GPR15: variants seen among roughly 807,000 people sequenced by gnomAD.
GPR15 encodes G protein-coupled receptor 15.
GPR15 carries 16 observed loss-of-function variants against 19.3 expected under a neutral mutation model. The observed-to-expected ratio is 0.83, with a 90% CI of 0.56 to 1.26. The LOEUF (loss-of-function observed/expected upper bound fraction) is 1.26. GPR15 is among the 50% of genes most tolerant of loss of function. The pLI is 0.00. For synonymous variants in GPR15, 170 were observed against 171.2 expected, an observed-to-expected ratio of 0.99 and a Z score of 0.05; for missense variants, 458 against 429.4, an observed-to-expected ratio of 1.07 and a Z score of -0.59.
Position 98,532,985 on chromosome 3 carries a change from T to C in GPR15, c.952T>C (p.Cys318Arg). The C allele has an allele frequency of 6.2e-7, 1 of 1,614,074 alleles. No individual in the cohort carries two copies. The highest frequency in any genetic ancestry group is 8.5e-7 in the Non-Finnish European group (1 of 1,180,026). Reference protein sequence around the residue: ...YIRRAIVHCLCPCLKNYDFGS... With the variant: ...YIRRAIVHCLRPCLKNYDFGS... The stretch of plus-strand genomic sequence containing the variant: ...CCGCCGGGCCATTGTCCACTGCTTG[T>C]GCCCTTGCCTGAAAAACTATGACTT... The change falls in exon 1 of 1, where the codon TGC becomes CGC. Residue 318 changes from cysteine (C) to arginine (R), a missense_variant. Coordinates refer to ENST00000284311, the MANE Select transcript of GPR15 (RefSeq NM_005290.4).
rs771155232 is a variant in GPR15, at chr3:98,534,407, G to A, written c.*1291G>A. ...AACATCTTTTGATTCAAGGGAAAGCGGGTTATGTTTTTACCTCCACTGTTG... is the reference window on the plus strand; with the variant it reads ...AACATCTTTTGATTCAAGGGAAAGCAGGTTATGTTTTTACCTCCACTGTTG... On this transcript the variant is annotated 3_prime_UTR_variant, in exon 1 of 1. Coordinates refer to ENST00000284311, the MANE Select transcript of GPR15 (RefSeq NM_005290.4). Among the ~76,000 whole-genome samples the A allele has an allele frequency of 3.3e-5, 5 of 152,134 alleles. No individual in the cohort carries two copies. The highest frequency in any genetic ancestry group is 7.2e-5 in the African/African-American group (3 of 41,430).
Position 98,532,984 on chromosome 3 carries a change from G to T in GPR15, c.951G>T (p.Leu317Phe). 1 of 1,614,012 alleles carries T rather than the reference G, an allele frequency of 6.2e-7. No homozygotes were observed. Among genetic ancestry groups the T allele is most frequent in the Non-Finnish European group, 8.5e-7 (1 of 1,180,018 alleles). Residue 317 changes from leucine (L) to phenylalanine (F), a missense_variant, in exon 1 of 1, where the codon TTG (leucine) becomes TTT (phenylalanine). Leu to Phe is a conservative substitution (Grantham distance 22, BLOSUM62 0). Coordinates refer to ENST00000284311, the MANE Select transcript of GPR15 (RefSeq NM_005290.4). Reference protein sequence around the residue: ...SYIRRAIVHCLCPCLKNYDFG... With the variant: ...SYIRRAIVHCFCPCLKNYDFG... ...TCCGCCGGGCCATTGTCCACTGCTT[G>T]TGCCCTTGCCTGAAAAACTATGACT...
rs769493221 is a variant in GPR15, at chr3:98,532,229, A to T, written c.196A>T (p.Arg66Ter). ...GALHFKPGSR[R>*]LIDIFIINLA... is the part of the protein sequence containing the mutation. ...GTTGCATTTCAAACCCGGCAGCCGA[A>T]GACTGATCGACATCTTTATCATCAA... is the stretch of plus-strand genomic sequence containing the variant. The change falls in exon 1 of 1, where the codon AGA becomes TGA. Residue 66 changes from arginine to a stop codon, truncating the protein, a stop_gained. Transcript: ENST00000284311. LOFTEE classifies it high-confidence loss of function. 1 of 1,614,162 alleles carries T rather than the reference A, an allele frequency of 6.2e-7. No individual in the cohort carries two copies. The highest frequency in any genetic ancestry group is 1.7e-5 in the Admixed American group (1 of 60,012).
At position 98,533,580 on chromosome 3, in the gene GPR15, C is replaced by A. The variant is rs1706673212; in HGVS notation, c.*464C>A. Among the ~76,000 whole-genome samples the A allele has an allele frequency of 6.6e-6, 1 of 152,152 alleles. No homozygotes were observed. The highest frequency in any genetic ancestry group is 2.4e-5 in the African/African-American group (1 of 41,436). Reference sequence around the variant, plus strand: ...ATGCAGGTAACAAAAATATAATATACCTGCACTGTGCAATTAATTGTTTCT... The same window carrying A: ...ATGCAGGTAACAAAAATATAATATAACTGCACTGTGCAATTAATTGTTTCT... On this transcript the variant is annotated 3_prime_UTR_variant, in exon 1 of 1. Transcript: ENST00000284311.
Position 98,533,655 on chromosome 3 carries a change from A to G in GPR15, c.*539A>G, listed in dbSNP as rs1706674245. 6.6e-6 allele frequency among the ~76,000 whole-genome samples: 1 copy of G among 152,198 alleles called. No homozygotes were observed. Among genetic ancestry groups the G allele is most frequent in the South Asian group, 2.1e-4 (1 of 4,836 alleles). On this transcript the variant is annotated 3_prime_UTR_variant, in exon 1 of 1. Transcript: ENST00000284311. ...TCAATCTTTAAAGCTTTGTATCGTGATTCTTCATCATCTTCCAACATTGTG... is the reference window on the plus strand; with the variant it reads ...TCAATCTTTAAAGCTTTGTATCGTGGTTCTTCATCATCTTCCAACATTGTG...
Position 98,534,066 on chromosome 3 carries a change from G to C in GPR15, c.*950G>C, listed in dbSNP as rs564083591. Among the ~76,000 whole-genome samples, 44 of 152,010 alleles carry C rather than the reference G, an allele frequency of 2.9e-4. 1 individual carries two copies. The highest frequency in any genetic ancestry group is 6.2e-4 in the Non-Finnish European group (42 of 67,976). On this transcript the variant is annotated 3_prime_UTR_variant, in exon 1 of 1. Coordinates refer to ENST00000284311, the MANE Select transcript of GPR15 (RefSeq NM_005290.4). Reference sequence around the variant, plus strand: ...GTACCCCGATGCAGATTATCATTTTGTATTTTAATTAAAATGTTAGTGCTA... The same window carrying C: ...GTACCCCGATGCAGATTATCATTTTCTATTTTAATTAAAATGTTAGTGCTA...
In GPR15 at chr3:98,533,517, A is replaced by G. The variant is rs1241133809; in HGVS notation, c.*401A>G. The stretch of plus-strand genomic sequence containing the variant: ...CTCTAAATTGGACTACATTTAAATG[A>G]TTCTGCCTACTTTCATCTGATGAGA... On this transcript the variant is annotated 3_prime_UTR_variant, in exon 1 of 1. Transcript: ENST00000284311. Among the ~76,000 whole-genome samples, 1 of 152,214 alleles carries G rather than the reference A, an allele frequency of 6.6e-6. No individual in the cohort carries two copies. Among genetic ancestry groups the G allele is most frequent in the East Asian group, 1.9e-4 (1 of 5,206 alleles).
chr3:98,533,159 T>C lies in GPR15; in HGVS notation c.*43T>C, dbSNP rs747195711. On this transcript the variant is annotated 3_prime_UTR_variant, in exon 1 of 1. Transcript: ENST00000284311. ...CAAGCTCTGTTGGTGGGTTTAGGAGTTAATTTTTGTCAGCAACAAAGAAGG... is the reference window on the plus strand; with the variant it reads ...CAAGCTCTGTTGGTGGGTTTAGGAGCTAATTTTTGTCAGCAACAAAGAAGG... 6 of 1,521,740 alleles carry C rather than the reference T, an allele frequency of 3.9e-6. No individual in the cohort carries two copies. Among genetic ancestry groups the C allele is most frequent in the Middle Eastern group, 3.6e-4 (2 of 5,526 alleles). The allele number at this position is 1,521,740 out of a possible 1,614,324, so 94.3% of individuals were successfully genotyped here.
In GPR15 at chr3:98,533,559, A is replaced by C. The variant is rs556829757; in HGVS notation, c.*443A>C. On this transcript the variant is annotated 3_prime_UTR_variant, in exon 1 of 1. Transcript: ENST00000284311. Reference sequence around the variant, plus strand: ...CTGATGAGAAATGCAGTAACAATGCAGGTAACAAAAATATAATATACCTGC... The same window carrying C: ...CTGATGAGAAATGCAGTAACAATGCCGGTAACAAAAATATAATATACCTGC... Among the ~76,000 whole-genome samples the C allele has an allele frequency of 6.6e-6, 1 of 152,228 alleles. No homozygotes were observed. The highest frequency in any genetic ancestry group is 1.5e-5 in the Non-Finnish European group (1 of 68,038).
Position 98,533,036 on chromosome 3 carries a change from A to C in GPR15, c.1003A>C (p.Ser335Arg). The C allele has an allele frequency of 6.2e-7, 1 of 1,614,032 alleles. No homozygotes were observed. Among genetic ancestry groups the C allele is most frequent in the Non-Finnish European group, 8.5e-7 (1 of 1,180,014 alleles). The part of the protein sequence containing the change: ...DFGSSTETSD[S>R]HLTKALSTFI... ...TGGGAGTAGCACTGAGACATCAGAT[A>C]GTCACCTCACTAAGGCTCTCTCCAC... The change falls in exon 1 of 1, where the codon AGT (serine) becomes CGT (arginine). Residue 335 changes from serine to arginine, a missense_variant. Transcript: ENST00000284311.
Position 98,532,668 on chromosome 3 carries a change from T to C in GPR15, c.635T>C (p.Val212Ala). ...TTTTTTGTCCCTTTGTTGAGCATTG[T>C]GACCTGCTACTGTTGCATTGCAAGG... is the stretch of plus-strand genomic sequence containing the variant. The part of the protein sequence containing the change: ...FTFFVPLLSI[V>A]TCYCCIARKL... The change falls in exon 1 of 1, where the codon GTG (valine) becomes GCG (alanine). Residue 212 changes from valine to alanine, a missense_variant. Transcript: ENST00000284311. The C allele has an allele frequency of 6.2e-7, 1 of 1,614,220 alleles. No homozygotes were observed. Among genetic ancestry groups the C allele is most frequent in the Non-Finnish European group, 8.5e-7 (1 of 1,180,034 alleles).
In GPR15 at chr3:98,532,006, C is replaced by T. The variant is rs755638413; in HGVS notation, c.-28C>T. On this transcript the variant is annotated 5_prime_UTR_variant, in exon 1 of 1. Coordinates refer to ENST00000284311, the MANE Select transcript of GPR15 (RefSeq NM_005290.4). ...CAAAAACATCATATGTAAGTAAACTCACCAGATTTGGCATCTGCTCTTTGG... is the reference window on the plus strand; with the variant it reads ...CAAAAACATCATATGTAAGTAAACTTACCAGATTTGGCATCTGCTCTTTGG... The T allele has an allele frequency of 1.9e-6, 3 of 1,570,872 alleles. No homozygotes were observed. The African/African-American group carries it at 4.1e-5, about 21-fold the overall frequency.
In GPR15 at chr3:98,532,841, C is replaced by A. The variant is rs184502691; in HGVS notation, c.808C>A (p.Arg270=). ...GTTCCTGGCCATTGTCTCTGGGTTG[C>A]GGCAAGAACACTATTTACCCTCAGC... is the stretch of plus-strand genomic sequence containing the variant. The part of the protein sequence containing the change: ...FKFLAIVSGL[R]QEHYLPSAIL... The change falls in exon 1 of 1, where the codon CGG becomes AGG. Residue 270 remains arginine (R), a synonymous_variant. Coordinates refer to ENST00000284311, the MANE Select transcript of GPR15 (RefSeq NM_005290.4). The A allele has an allele frequency of 3.7e-6, 6 of 1,613,898 alleles. No homozygotes were observed. Among genetic ancestry groups the A allele is most frequent in the Non-Finnish European group, 5.1e-6 (6 of 1,179,872 alleles).
Position 98,532,542 on chromosome 3 carries a change from TGTCCAGGG to T in GPR15, c.510_517del (p.Ser171AlafsTer5), listed in dbSNP as rs1263991694. On this transcript the variant is annotated frameshift_variant, in exon 1 of 1. Coordinates refer to ENST00000284311, the MANE Select transcript of GPR15 (RefSeq NM_005290.4). LOFTEE classifies it high-confidence loss of function. The stretch of plus-strand genomic sequence containing the variant: ...TGCCTGCTGGGGTTGCCTACTCTTC[TGTCCAGGG>T]AGCTCACGCTGATTGATGATAAGCC... The T allele has an allele frequency of 6.2e-7, 1 of 1,614,216 alleles. No individual in the cohort carries two copies. The highest frequency in any genetic ancestry group is 8.5e-7 in the Non-Finnish European group (1 of 1,180,040).
At position 98,533,857 on chromosome 3, in the gene GPR15, A is replaced by G. The variant is rs535975145; in HGVS notation, c.*741A>G. Among the ~76,000 whole-genome samples, 228 of 152,352 alleles carry G rather than the reference A, an allele frequency of 1.5e-3. No homozygotes were observed. The highest frequency in any genetic ancestry group is 5.3e-3 in the African/African-American group (220 of 41,598). ...CTTTATAAGATATTGATAAAAATGT[A>G]TCTCATTCATAATGGTGTAGCAACT... On this transcript the variant is annotated 3_prime_UTR_variant, in exon 1 of 1. Transcript: ENST00000284311.
In GPR15 at chr3:98,532,485, A is replaced by G; in HGVS notation, c.452A>G (p.Tyr151Cys). 2 of 1,614,120 alleles carry G rather than the reference A, an allele frequency of 1.2e-6. No individual in the cohort carries two copies. The highest frequency in any genetic ancestry group is 1.7e-6 in the Non-Finnish European group (2 of 1,179,990). Residue 151 changes from tyrosine (Y) to cysteine (C), a missense_variant, in exon 1 of 1, where the codon TAT (tyrosine) becomes TGT (cysteine). Physicochemically the swap from Tyr to Cys is radical, Grantham distance 194. Coordinates refer to ENST00000284311, the MANE Select transcript of GPR15 (RefSeq NM_005290.4). ...AAATTCAGAAGGACAGACTGTGCAT[A>G]TGTAGTCTGTGCCAGCATCTGGTTT... is the stretch of plus-strand genomic sequence containing the variant. The part of the protein sequence containing the change: ...SRKFRRTDCA[Y>C]VVCASIWFIS...
At position 98,532,850 on chromosome 3, in the gene GPR15, C is replaced by T; in HGVS notation, c.817C>T (p.His273Tyr). 2 of 1,613,956 alleles carry T rather than the reference C, an allele frequency of 1.2e-6. No individual in the cohort carries two copies. The highest frequency in any genetic ancestry group is 2.2e-5 in the East Asian group (1 of 44,868). The change falls in exon 1 of 1, where the codon CAC becomes TAC. Residue 273 changes from histidine to tyrosine, a missense_variant. Transcript: ENST00000284311. The part of the protein sequence containing the change: ...LAIVSGLRQE[H>Y]YLPSAILQLG... The stretch of plus-strand genomic sequence containing the variant: ...CATTGTCTCTGGGTTGCGGCAAGAA[C>T]ACTATTTACCCTCAGCTATTCTTCA...
chr3:98,532,230 G>C lies in GPR15; in HGVS notation c.197G>C (p.Arg66Thr). 1 of 1,614,166 alleles carries C rather than the reference G, an allele frequency of 6.2e-7. No homozygotes were observed. The highest frequency in any genetic ancestry group is 8.5e-7 in the Non-Finnish European group (1 of 1,180,032). The change falls in exon 1 of 1, where the codon AGA (arginine) becomes ACA (threonine). Residue 66 changes from arginine (R) to threonine (T), a missense_variant. Arg to Thr is a moderately conservative substitution (Grantham distance 71, BLOSUM62 -1). Transcript: ENST00000284311. ...TTGCATTTCAAACCCGGCAGCCGAAGACTGATCGACATCTTTATCATCAAT... is the reference window on the plus strand; with the variant it reads ...TTGCATTTCAAACCCGGCAGCCGAACACTGATCGACATCTTTATCATCAAT... ...GALHFKPGSRRLIDIFIINLA... is the reference protein window; with the variant it reads ...GALHFKPGSRTLIDIFIINLA...
In GPR15 at chr3:98,533,022, C is replaced by T. The variant is rs549236272; in HGVS notation, c.989C>T (p.Thr330Ile). 6.2e-4 allele frequency: 1,006 copies of T among 1,614,076 alleles called. 16 individuals are homozygous for T. The South Asian group carries it at 0.011, about 17-fold the overall frequency. Reference sequence around the variant, plus strand: ...AAAAACTATGACTTTGGGAGTAGCACTGAGACATCAGATAGTCACCTCACT... The same window carrying T: ...AAAAACTATGACTTTGGGAGTAGCATTGAGACATCAGATAGTCACCTCACT... ...CLKNYDFGSSTETSDSHLTKA... is the reference protein window; with the variant it reads ...CLKNYDFGSSIETSDSHLTKA... Residue 330 changes from threonine to isoleucine, a missense_variant, in exon 1 of 1, where the codon ACT (threonine) becomes ATT (isoleucine). Transcript: ENST00000284311.
Sources: allele counts gnomAD v4.1 joint callset (sites outside exome capture counted in the v4.1 genomes callset), GRCh38; gene constraint gnomAD v4.1.1; transcripts MANE v1.5; gene names NCBI Gene and HGNC (gene_info 2026-07-23, HGNC 2026-07-21).